Variants in TF observed in about 807,000 individuals in gnomAD.
The protein encoded by TF is transferrin.
A neutral mutation model predicts 82.4 loss-of-function variants in TF; 55 were observed. That is an observed-to-expected ratio of 0.67 (90% CI 0.54 to 0.84). The LOEUF (loss-of-function observed/expected upper bound fraction) is 0.84, where lower values mean the gene tolerates loss of function less well. TF is among the 40% of genes least tolerant of loss of function. The pLI, the probability that TF is intolerant of heterozygous loss-of-function variation, is 0.00. For missense variants in TF, 737 were observed against 868.4 expected (o/e 0.85, Z 1.90); for synonymous variants, 332 against 332.6 (o/e 1.00, Z 0.02).
the TF span, among the ~76,000 whole-genome samples, chr3:133,696,277 C>A: frequency 1.3e-5 from 2 of 151,564 alleles, no homozygotes; most frequent in Middle Eastern, 3.4e-3. Context: ...GCCTGGGCGA[C>A]AGAGCAAGAC....
the TF span, among the ~76,000 whole-genome samples, chr3:133,734,267 T>G: frequency 6.6e-6 from 1 of 152,186 alleles, no homozygotes; most frequent in Non-Finnish European, 1.5e-5. Context: ...AGAATTTGCT[T>G]TCTAAATACC....
At chr3:133,746,022 T>G (rs1933486526), upstream of TF, 3 of 302,210 alleles carry the variant, frequency 9.9e-6, no homozygotes, top group African/African-American at 6.5e-5. Context: ...CTCTCCAGCC[T>G]CGGAGTCTTC....
the TF span, chr3:133,688,467 A>G: frequency 7.9e-5 from 12 of 152,336 alleles, no homozygotes; most frequent in African/African-American, 2.6e-4. Context: ...CAGGAACCAG[A>G]CCATGCTTTA....
intron 7 of TF, 116 bp downstream of exon 7, chr3:133,757,125 C>G: frequency 7.4e-7 from 1 of 1,354,024 alleles, no homozygotes; most frequent in Non-Finnish European, 1.0e-6. Context: ...ACAGTGGGAG[C>G]CATGCCACAT....
chr3:133,744,395 T>C (rs771785731), upstream of TF, among the ~76,000 whole-genome samples: 6 of 152,232 alleles, frequency 3.9e-5, no homozygotes, highest in Non-Finnish European at 8.8e-5. Context: ...GCAAGCTTAC[T>C]ACAGGGCCTG....
At chr3:133,672,181 G>A in the TF span, among the ~76,000 whole-genome samples, 1 of 152,218 alleles carries the variant, frequency 6.6e-6, no homozygotes, top group Admixed American at 6.5e-5. Context: ...CATAAAATCT[G>A]GATATTTCTC....
At chr3:133,672,503 A>T in the TF span, among the ~76,000 whole-genome samples, 1 of 152,224 alleles carries the variant, frequency 6.6e-6, no homozygotes, top group East Asian at 1.9e-4. Context: ...TATGTAAAAA[A>T]ATGTTATACG....
chr3:133,753,098 A>G (rs1282794310), intron 2 of TF, among the ~76,000 whole-genome samples: 2 of 152,220 alleles, frequency 1.3e-5, no homozygotes, highest in South Asian at 2.1e-4. Flanking sequence ...GAAGACCTCA[A>G]AGGAAGTCTC....
In TF at chr3:133,767,550, C is replaced by T. The variant is rs890528301; in HGVS notation, c.1487-479C>T. Among the ~76,000 whole-genome samples the T allele has an allele frequency of 2.0e-5, 3 of 152,210 alleles. No individual in the cohort carries two copies. In the East Asian group the frequency reaches 5.8e-4, roughly 29 times the overall value. On this transcript the variant is annotated intron_variant, in intron 12 of 16. Transcript: ENST00000402696. ...CTGACAAAGGCACTACCTCTGCCCT[C>T]CTGAACCTCCTAGCACTTTTATGGC... is the stretch of plus-strand genomic sequence containing the variant.
At chr3:133,698,345 C>T in the TF span, among the ~76,000 whole-genome samples, 1 of 152,344 alleles carries the variant, frequency 6.6e-6, no homozygotes, top group Middle Eastern at 3.4e-3. Flanking sequence ...TCCAGTAACA[C>T]ATCTGTATTC....
chr3:133,714,277 G>A, the TF span, among the ~76,000 whole-genome samples: 2 of 152,164 alleles, frequency 1.3e-5, no homozygotes, highest in Non-Finnish European at 2.9e-5. Flanking sequence ...TCTAGGTATT[G>A]TGGGCAGTGC....
At chr3:133,768,637 T>C (rs1229706177) in intron 13 of TF, among the ~76,000 whole-genome samples, 1 of 152,140 alleles carries the variant, frequency 6.6e-6, no homozygotes, top group Non-Finnish European at 1.5e-5. Flanking sequence ...AGAGTTTGGC[T>C]CAAGCTTTTC....
the TF span, among the ~76,000 whole-genome samples, chr3:133,679,858 A>G: frequency 6.6e-6 from 1 of 152,176 alleles, no homozygotes; most frequent in Admixed American, 6.5e-5. Flanking sequence ...TGGTAAGTGT[A>G]TGTTCAACTT....
rs8177225 is a variant in TF, at chr3:133,755,303, T to C, written c.503-60T>C. 8.1e-6 allele frequency: 13 copies of C among 1,612,820 alleles called. No individual in the cohort carries two copies. The South Asian group carries it at 1.1e-4, about 14-fold the overall frequency. On this transcript the variant is annotated intron_variant, in intron 4 of 16. Coordinates refer to ENST00000402696, the MANE Select transcript of TF (RefSeq NM_001063.4). ...TCCCTGATGGGCCTGGGTGGGGTGA[T>C]GCCATTGGCTGTGGCCAGCCTCACT...
At chr3:133,754,427 C>A (rs941487468) in intron 3 of TF, 68 bp from the exon 4 acceptor site, 8 of 1,524,276 alleles carry the variant, frequency 5.2e-6, no homozygotes, top group Non-Finnish European at 6.4e-6. Context: ...CCTCAAGAGT[C>A]CGGTGGTGAT....
rs937949643 is a variant in TF, at chr3:133,786,375, G to C, written c.*7755G>C. 2 of 152,070 alleles carry C rather than the reference G, an allele frequency of 1.3e-5. No individual in the cohort carries two copies. Among genetic ancestry groups the C allele is most frequent in the African/African-American group, 4.8e-5 (2 of 41,378 alleles). 9.4% of individuals were successfully genotyped at this position (152,070 alleles called of 1,614,324 possible). On this transcript the variant is annotated 3_prime_UTR_variant, in exon 17 of 17. Coordinates refer to ENST00000402696, the MANE Select transcript of TF (RefSeq NM_001063.4). Reference sequence around the variant, plus strand: ...ATGTAATGTTGTTTTGGTTGGGGGGGGTGGCCAAACCACCTGTTAATAATA... The same window carrying C: ...ATGTAATGTTGTTTTGGTTGGGGGGCGTGGCCAAACCACCTGTTAATAATA...
intron 12 of TF, 72 bp from the exon 13 acceptor site, chr3:133,767,957 C>G: frequency 6.3e-7 from 1 of 1,584,032 alleles, no homozygotes. Flanking sequence ...CCATGCAGCC[C>G]TGTTATCTCT....
At chr3:133,775,408 T>G in intron 14 of TF, 25 bp from the exon 15 acceptor site, 2 of 1,614,096 alleles carry the variant, frequency 1.2e-6, no homozygotes, top group Middle Eastern at 1.7e-4. Context: ...AGCCATCAGC[T>G]GAACCACCTT....
At chr3:133,752,308 G>T (rs1233440222) in intron 2 of TF, among the ~76,000 whole-genome samples, 1 of 152,030 alleles carries the variant, frequency 6.6e-6, no homozygotes, top group African/African-American at 2.4e-5. Flanking sequence ...ATATTGGCTA[G>T]GCTGGTCTCG....
Sources: gnomAD v4.1 joint callset for allele counts (sites outside exome capture counted in the v4.1 genomes callset) on GRCh38, gnomAD v4.1.1 for gene constraint, MANE v1.5 for transcripts, NCBI Gene and HGNC (gene_info 2026-07-23, HGNC 2026-07-21) for gene names.